The following IFT80 variants were observed in gnomAD, a reference collection of about 807,000 sequenced individuals.
The protein encoded by IFT80 is intraflagellar transport protein 80 homolog.
In IFT80, 79 loss-of-function variants were observed where a neutral mutation model predicts 107.9. That is an observed-to-expected ratio of 0.73 (90% CI 0.61 to 0.88). The LOEUF (loss-of-function observed/expected upper bound fraction) is 0.88. IFT80 is among the 40% of genes least tolerant of loss of function. IFT80 has a pLI of 0.00. For synonymous variants in IFT80, 299 were observed against 300.9 expected (o/e 0.99, Z 0.07); for missense variants, 797 against 914.2 (o/e 0.87, Z 1.65).
intron 19 of IFT80, among the ~76,000 whole-genome samples, chr3:160,259,639 C>T (rs766062212): frequency 1.2e-4 from 18 of 152,162 alleles, no homozygotes; most frequent in African/African-American, 2.7e-4. Flanking sequence ...CCCTTCTATC[C>T]GTTATGCAGT....
chr3:160,343,787 TTA>T (rs1347957216), intron 8 of IFT80: 1 of 353,778 alleles, frequency 2.8e-6, no homozygotes, highest in Non-Finnish European at 5.6e-6. Context: ...TTTTGCTTGT[TTA>T]TAGTCTTTCA....
chr3:160,384,064 G>C (rs1249556260), intron 2 of IFT80: 1 of 334,322 alleles, frequency 3.0e-6, no homozygotes, highest in African/African-American at 2.2e-5. Flanking sequence ...GGCCAACATG[G>C]TGAAACCCCG....
At chr3:160,302,953 G>T (rs891549592) in intron 11 of IFT80, among the ~76,000 whole-genome samples, 2 of 152,228 alleles carry the variant, frequency 1.3e-5, no homozygotes, top group Admixed American at 6.5e-5. Flanking sequence ...CAGCTACACA[G>T]TTCTGTGCTT....
chr3:160,378,646 T>A (rs187919803), intron 3 of IFT80, among the ~76,000 whole-genome samples: 9,021 of 144,966 alleles, frequency 0.062, 304 homozygotes, highest in Middle Eastern at 0.094. Context: ...ATATAAAATT[T>A]AAAAAAAAAA....
intron 5 of IFT80, among the ~76,000 whole-genome samples, chr3:160,372,525 A>G (rs902991148): frequency 5.9e-5 from 9 of 152,238 alleles, no homozygotes; most frequent in African/African-American, 2.2e-4. Context: ...TTATGAGGAA[A>G]GTATAGATGG....
chr3:160,290,547 C>G (rs1715473967), intron 12 of IFT80, among the ~76,000 whole-genome samples: 1 of 150,942 alleles, frequency 6.6e-6, no homozygotes, highest in East Asian at 1.9e-4. Flanking sequence ...ATATTTAAAA[C>G]AAGCTTTGGT....
chr3:160,304,435 C>A (rs201335391), intron 10 of IFT80, among the ~76,000 whole-genome samples: 1 of 129,164 alleles, frequency 7.7e-6, no homozygotes, highest in Admixed American at 7.9e-5. Context: ...TTGATTTTTT[C>A]TTTTTTTTTT....
rs1222861866 is a variant in IFT80 at position 160,388,385 on chromosome 3, T to A, written c.-46-3739A>T. Among the ~76,000 whole-genome samples, 3 of 151,252 alleles carry A rather than the reference T, an allele frequency of 2.0e-5. No individual in the cohort carries two copies. The East Asian group carries it at 5.8e-4, about 29-fold the overall frequency. ...CAAAACTGGACAGGGGCATCACAAG[T>A]CAAGAAAAGTACAGAAAAATATCCC... On this transcript the variant is annotated intron_variant, in intron 1 of 19. Coordinates refer to ENST00000326448, the MANE Select transcript of IFT80 (RefSeq NM_020800.3).
At chr3:160,363,456 T>G (rs1419833032) in intron 6 of IFT80, among the ~76,000 whole-genome samples, 3 of 152,158 alleles carry the variant, frequency 2.0e-5, no homozygotes, top group Non-Finnish European at 4.4e-5. Flanking sequence ...AATTTATAGA[T>G]TCAATGCCAT....
chr3:160,378,915 T>C (rs577998316), intron 3 of IFT80, among the ~76,000 whole-genome samples: 2 of 152,090 alleles, frequency 1.3e-5, no homozygotes, highest in Non-Finnish European at 2.9e-5. Flanking sequence ...TAGTAATAAA[T>C]GACTCAGCCA....
At chr3:160,319,474 C>G (rs1718048232) in intron 9 of IFT80, among the ~76,000 whole-genome samples, 1 of 152,004 alleles carries the variant, frequency 6.6e-6, no homozygotes, top group South Asian at 2.1e-4. Context: ...TTTGTTACAG[C>G]TTTTTCTCTC....
chr3:160,338,885 T>C (rs1018064931), intron 8 of IFT80, among the ~76,000 whole-genome samples: 1 of 152,208 alleles, frequency 6.6e-6, no homozygotes, highest in South Asian at 2.1e-4. Context: ...AGAAGAAATA[T>C]AATTTCTCCT....
rs554751538 is a variant in IFT80, at chr3:160,265,921, A to G, written c.2223+2492T>C. ...AGATAAATATGGATGATATATTATG[A>G]CTAGATTATAGACTTAAATGAAACC... is the stretch of plus-strand genomic sequence containing the variant. On this transcript the variant is annotated intron_variant, in intron 19 of 19. Transcript: ENST00000326448. Among the ~76,000 whole-genome samples, 20 of 152,326 alleles carry G rather than the reference A, an allele frequency of 1.3e-4. No homozygotes were observed. In the South Asian group the frequency reaches 3.9e-3, roughly 30 times the overall value.
Position 160,359,318 on chromosome 3 carries a change from T to C in IFT80, c.550-1740A>G, listed in dbSNP as rs574393003. Among the ~76,000 whole-genome samples, 10 of 152,356 alleles carry C rather than the reference T, an allele frequency of 6.6e-5. No individual in the cohort carries two copies. In the South Asian group the frequency reaches 2.1e-3, roughly 32 times the overall value. ...ACCAATTGTGATATAACCAGCTTCC[T>C]GAGTTTCATTTCTATAAGCCTAATT... On this transcript the variant is annotated intron_variant, in intron 6 of 19. Coordinates refer to ENST00000326448, the MANE Select transcript of IFT80 (RefSeq NM_020800.3).
At chr3:160,271,377 GA>G (rs1713792664) in intron 18 of IFT80, among the ~76,000 whole-genome samples, 1 of 152,120 alleles carries the variant, frequency 6.6e-6, no homozygotes, top group East Asian at 1.9e-4. Flanking sequence ...TTCAAAATAT[GA>G]TTTTTGCATA....
At chr3:160,285,531 T>C (rs1044565187) in intron 13 of IFT80, among the ~76,000 whole-genome samples, 2 of 152,216 alleles carry the variant, frequency 1.3e-5, no homozygotes, top group African/African-American at 2.4e-5. Context: ...AAAAAGAACA[T>C]GTAACTGAAA....
rs1394631545 is a variant in IFT80, at chr3:160,357,500, A to T, written c.628T>A (p.Cys210Ser). The T allele has an allele frequency of 6.6e-7, 1 of 1,521,454 alleles. No individual in the cohort carries two copies. The highest frequency in any genetic ancestry group is 1.7e-5 in the Admixed American group (1 of 59,692). The allele number at this position is 1,521,454 out of a possible 1,614,324, so 94.2% of individuals were successfully genotyped here. A position where few individuals can be genotyped will look rare whatever the true frequency, so the allele number is the denominator to read the frequency against. Residue 210 changes from cysteine to serine, a missense_variant, in exon 7 of 20, where the codon TGT becomes AGT. Physicochemically the swap from Cys to Ser is moderately radical, Grantham distance 112. Coordinates refer to ENST00000326448, the MANE Select transcript of IFT80 (RefSeq NM_020800.3). ...TAAACATTATATACCTTATATTTACAGTCTTCACCAGCAGATAAAATAAGA... is the reference window on the plus strand; with the variant it reads ...TAAACATTATATACCTTATATTTACTGTCTTCACCAGCAGATAAAATAAGA... ...NDLILSAGED[C>S]KYKVWDSYGR...
At chr3:160,278,983 A>G (rs1324797448) in intron 16 of IFT80, among the ~76,000 whole-genome samples, 1 of 152,228 alleles carries the variant, frequency 6.6e-6, no homozygotes, top group African/African-American at 2.4e-5. Context: ...GCCAGTATGG[A>G]AAAACAGTTT....
At chr3:160,347,315 T>G (rs1342817853) in intron 8 of IFT80, among the ~76,000 whole-genome samples, 3 of 152,126 alleles carry the variant, frequency 2.0e-5, no homozygotes, top group Non-Finnish European at 4.4e-5. Flanking sequence ...TGGTTGCTAG[T>G]GGTTTTTTTC....
Sources: gnomAD v4.1 joint callset for allele counts (sites outside exome capture counted in the v4.1 genomes callset) on GRCh38, gnomAD v4.1.1 for gene constraint, MANE v1.5 for transcripts, NCBI Gene and HGNC (gene_info 2026-07-23, HGNC 2026-07-21) for gene names.